The following IL1RAPL2 variants were observed in gnomAD, a reference collection of about 807,000 sequenced individuals.
The protein encoded by IL1RAPL2 is X-linked interleukin-1 receptor accessory protein-like 2.
Under a neutral mutation model 44.1 loss-of-function variants are expected in IL1RAPL2, and 3 were observed. The ratio of observed to expected loss-of-function variants is 0.07; its 90% CI spans 0.03 to 0.18. The LOEUF (loss-of-function observed/expected upper bound fraction) is 0.18, where lower values mean the gene tolerates loss of function less well. Ranked by LOEUF, IL1RAPL2 falls within the 10% of genes least tolerant of loss-of-function variation. The probability of loss-of-function intolerance (pLI) is 1.00; values close to 1 mark genes in which losing one functional copy is unlikely to be tolerated. For missense variants in IL1RAPL2, 391 were observed against 496.4 expected, an observed-to-expected ratio of 0.79 and a Z score of 2.02; for synonymous variants, 181 against 178.8, an observed-to-expected ratio of 1.01 and a Z score of -0.10.
intron 5 of IL1RAPL2, among the ~76,000 whole-genome samples, chrX:105,401,747 G>T (rs1035372513): frequency 2.7e-5 from 3 of 110,118 alleles, no homozygotes; most frequent in Admixed American, 1.9e-4. Flanking sequence ...ATGAAATTCT[G>T]ATTATTTACT....
intron 5 of IL1RAPL2, among the ~76,000 whole-genome samples, chrX:105,483,790 G>T (rs1017750928): frequency 9.0e-6 from 1 of 111,177 alleles, no homozygotes; most frequent in Non-Finnish European, 1.9e-5. Flanking sequence ...ACAAGACTTG[G>T]AGTACAAAAG....
At chrX:105,541,218 G>A (rs924713690) in intron 6 of IL1RAPL2, among the ~76,000 whole-genome samples, 1 of 110,161 alleles carries the variant, frequency 9.1e-6, no homozygotes, top group Non-Finnish European at 1.9e-5. Flanking sequence ...TGGAGAAAAA[G>A]CTGAAGTATT....
At position 104,892,533 on chromosome X, in the gene IL1RAPL2, C is replaced by T. The variant is rs866960946; in HGVS notation, c.82+233538C>T. On this transcript the variant is annotated intron_variant, in intron 2 of 10. Coordinates refer to ENST00000372582, the MANE Select transcript of IL1RAPL2 (RefSeq NM_017416.2). The stretch of plus-strand genomic sequence containing the variant: ...GTTTAGTCTTTGGAGGGTGTATGTG[C>T]ACAGGAATTTATCCATTTCTTCTAG... Among the ~76,000 whole-genome samples, 27 of 111,412 alleles carry T rather than the reference C, an allele frequency of 2.4e-4. 1 individual carries two copies. Among genetic ancestry groups the T allele is most frequent in the African/African-American group, 8.8e-4 (27 of 30,627 alleles).
At chrX:104,955,556 A>T (rs1056528596) in intron 2 of IL1RAPL2, among the ~76,000 whole-genome samples, 2 of 107,404 alleles carry the variant, frequency 1.9e-5, no homozygotes, top group African/African-American at 6.7e-5. Context: ...TATATATATT[A>T]TACTCATATA....
chrX:105,717,049 G>T (rs1332001389), intron 6 of IL1RAPL2, among the ~76,000 whole-genome samples: 1 of 111,809 alleles, frequency 8.9e-6, no homozygotes, highest in Non-Finnish European at 1.9e-5. Context: ...GAGCCAGGGA[G>T]GTTAAGGCTG....
chrX:104,636,339 G>T (rs923004604), intron 1 of IL1RAPL2, among the ~76,000 whole-genome samples: 2 of 112,232 alleles, frequency 1.8e-5, no homozygotes, highest in Non-Finnish European at 3.8e-5. Flanking sequence ...CTCCAGCTGC[G>T]TGCTGGGAGA....
intron 2 of IL1RAPL2, among the ~76,000 whole-genome samples, chrX:104,849,120 C>G (rs761012232): frequency 9.2e-6 from 1 of 108,805 alleles, no homozygotes; most frequent in South Asian, 4.1e-4. Flanking sequence ...GCCTCCATCT[C>G]CTGGGCTCAG....
intron 6 of IL1RAPL2, among the ~76,000 whole-genome samples, chrX:105,690,970 T>C (rs949113669): frequency 3.6e-5 from 4 of 111,266 alleles, no homozygotes; most frequent in African/African-American, 1.3e-4. Context: ...TCTTGACTTG[T>C]AGGTAGCTGC....
intron 2 of IL1RAPL2, among the ~76,000 whole-genome samples, chrX:105,061,675 A>T (rs990734410): frequency 9.0e-6 from 1 of 111,641 alleles, no homozygotes; most frequent in Non-Finnish European, 1.9e-5. Flanking sequence ...ATTGGGACCT[A>T]TCTCTCTCTT....
At position 105,607,317 on chromosome X, in the gene IL1RAPL2, T is replaced by A. The variant is rs1209843911; in HGVS notation, c.773-110050T>A. ...TTTATGATTCATTTTTAAGAATCAG[T>A]TTGGCTTTTTTTAATGGTACGTGGT... is the stretch of plus-strand genomic sequence containing the variant. On this transcript the variant is annotated intron_variant, in intron 6 of 10. Transcript: ENST00000372582. Among the ~76,000 whole-genome samples the A allele has an allele frequency of 3.6e-5, 4 of 110,275 alleles. No individual in the cohort carries two copies. The East Asian group carries it at 1.1e-3, about 32-fold the overall frequency.
intron 1 of IL1RAPL2, among the ~76,000 whole-genome samples, chrX:104,619,695 A>C (rs1929349097): frequency 8.9e-6 from 1 of 112,461 alleles, no homozygotes; most frequent in Non-Finnish European, 1.9e-5. Context: ...AAGACGTGGG[A>C]TGTCCAATAT....
intron 5 of IL1RAPL2, among the ~76,000 whole-genome samples, chrX:105,268,979 T>G (rs1356303609): frequency 9.0e-6 from 1 of 110,857 alleles, no homozygotes; most frequent in African/African-American, 3.3e-5. Flanking sequence ...TGTGTGTGTT[T>G]GTATGTATAC....
chrX:105,590,732 T>C (rs1192936491), intron 6 of IL1RAPL2, among the ~76,000 whole-genome samples: 1 of 111,029 alleles, frequency 9.0e-6, no homozygotes, highest in Non-Finnish European at 1.9e-5. Flanking sequence ...GGATTAGATT[T>C]TTCATGTGCT....
At chrX:104,810,894 G>T (rs929531604) in intron 2 of IL1RAPL2, among the ~76,000 whole-genome samples, 1 of 112,357 alleles carries the variant, frequency 8.9e-6, no homozygotes, top group Admixed American at 9.4e-5. Flanking sequence ...TTTGTGTTGA[G>T]TGTAGTTATA....
intron 1 of IL1RAPL2, among the ~76,000 whole-genome samples, chrX:104,607,551 C>A (rs933248630): frequency 9.0e-6 from 1 of 111,680 alleles, no homozygotes; most frequent in Non-Finnish European, 1.9e-5. Flanking sequence ...AATAAAACAA[C>A]CCCATCAAAA....
intron 2 of IL1RAPL2, among the ~76,000 whole-genome samples, chrX:105,026,905 A>G (rs2031382932): frequency 9.0e-6 from 1 of 111,177 alleles, no homozygotes; most frequent in Non-Finnish European, 1.9e-5. Context: ...GAAGAATCAC[A>G]TTATCTGACT....
chrX:105,142,034 CAT>C (rs1330965557), intron 2 of IL1RAPL2, among the ~76,000 whole-genome samples: 1 of 111,882 alleles, frequency 8.9e-6, no homozygotes, highest in Non-Finnish European at 1.9e-5. Flanking sequence ...CTGCTTTCAT[CAT>C]AGAGTTCATA....
intron 2 of IL1RAPL2, among the ~76,000 whole-genome samples, chrX:104,893,831 GA>G (rs1261590486): frequency 9.0e-6 from 1 of 111,647 alleles, no homozygotes; most frequent in African/African-American, 3.3e-5. Flanking sequence ...CTGTCATTAT[GA>G]TGTTAGCTGG....
intron 5 of IL1RAPL2, among the ~76,000 whole-genome samples, chrX:105,420,971 A>G (rs1339729873): frequency 1.8e-5 from 2 of 112,181 alleles, no homozygotes; most frequent in Non-Finnish European, 3.8e-5. Context: ...TGTGAACCCC[A>G]GAAATCTAAG....
Sources: allele counts gnomAD v4.1 joint callset (sites outside exome capture counted in the v4.1 genomes callset), GRCh38; gene constraint gnomAD v4.1.1; transcripts MANE v1.5; gene names NCBI Gene and HGNC (gene_info 2026-07-23, HGNC 2026-07-21).